The following HSPA12A variants were observed in gnomAD, a reference collection of about 807,000 sequenced individuals.
HSPA12A encodes the protein heat shock protein family A (Hsp70) member 12A.
A neutral mutation model predicts 69.2 loss-of-function variants in HSPA12A; 28 were observed. The ratio of observed to expected loss-of-function variants is 0.40; its 90% CI spans 0.30 to 0.55. The LOEUF (loss-of-function observed/expected upper bound fraction) is 0.55. HSPA12A is among the 20% of genes least tolerant of loss of function. The pLI is 0.38. For synonymous variants in HSPA12A, 345 were observed against 370.5 expected, an observed-to-expected ratio of 0.93 and a Z score of 0.79; for missense variants, 686 against 900.7, an observed-to-expected ratio of 0.76 and a Z score of 3.05.
chr10:116,725,706 C>T lies in HSPA12A; in HGVS notation c.40+16724G>A, dbSNP rs1001200446. Among the ~76,000 whole-genome samples, 7 of 152,164 alleles carry T rather than the reference C, an allele frequency of 4.6e-5. No individual in the cohort carries two copies. The South Asian group carries it at 1.5e-3, about 32-fold the overall frequency. ...ACACAAAACCCAGAACTACTCCCAG[C>T]GAGTCACAGGGTGAGAGGGATATCC... is the stretch of plus-strand genomic sequence containing the variant. On this transcript the variant is annotated intron_variant, in intron 1 of 11. Coordinates refer to ENST00000369209, the MANE Select transcript of HSPA12A (RefSeq NM_025015.3).
At chr10:116,777,560 C>A (rs1844366994) in intron 2 of HSPA12A, among the ~76,000 whole-genome samples, 1 of 152,184 alleles carries the variant, frequency 6.6e-6, no homozygotes, top group Non-Finnish European at 1.5e-5. Context: ...CCCAGGTGTA[C>A]ATATCCCCAC....
intron 2 of HSPA12A, 41 bp downstream of exon 2, chr10:116,707,151 GCGCACACA>G (rs782325219): frequency 0.041 from 41,327 of 1,005,534 alleles, 682 homozygotes; most frequent in Middle Eastern, 0.068. Context: ...GCACCCATGC[GCGCACACA>G]CACACACACA....
intron 2 of HSPA12A, chr10:116,830,999 G>A (rs1399002844): frequency 2.0e-5 from 3 of 151,572 alleles, no homozygotes; most frequent in Non-Finnish European, 2.9e-5. Context: ...TAGGTTTGTG[G>A]AAGTACATTC....
chr10:116,731,037 C>T (rs1004156), intron 1 of HSPA12A, among the ~76,000 whole-genome samples: 143,316 of 152,296 alleles, frequency 0.94, 67,641 homozygotes, highest in Non-Finnish European at 0.98. Flanking sequence ...CATGGTCTGT[C>T]CCAGGGTCCT....
At chr10:116,832,217 G>C (rs949256987) in intron 2 of HSPA12A, 1 of 152,172 alleles carries the variant, frequency 6.6e-6, no homozygotes, top group Non-Finnish European at 1.5e-5. Context: ...TGCCAGGCTG[G>C]AGTGCAGTGA....
intron 2 of HSPA12A, among the ~76,000 whole-genome samples, chr10:116,801,667 C>T (rs540350201): frequency 1.3e-5 from 2 of 152,202 alleles, no homozygotes; most frequent in Admixed American, 6.5e-5. Context: ...TATACTCAAA[C>T]CTAATACGTG....
intron 2 of HSPA12A, among the ~76,000 whole-genome samples, chr10:116,808,124 G>A (rs915268582): frequency 1.2e-4 from 19 of 152,284 alleles, no homozygotes; most frequent in African/African-American, 4.6e-4. Context: ...AGGTTTCAGG[G>A]TTATCTGAAA....
At position 116,703,775 on chromosome 10, in the gene HSPA12A, C is replaced by G. The variant is rs150120732; in HGVS notation, c.254+1376G>C. On this transcript the variant is annotated intron_variant, in intron 3 of 11. Coordinates refer to ENST00000369209, the MANE Select transcript of HSPA12A (RefSeq NM_025015.3). The stretch of plus-strand genomic sequence containing the variant: ...TCCCATGGATGGGTGGCACCCGGGG[C>G]CTGCAGGGTGCTGGGTGTGCGGGGA... 6.3e-3 allele frequency among the ~76,000 whole-genome samples: 963 copies of G among 152,262 alleles called. 4 individuals carry two copies. The highest frequency in any genetic ancestry group is 0.01 in the Non-Finnish European group (691 of 68,026).
chr10:116,842,054 G>A (rs975682307), intron 1 of HSPA12A, among the ~76,000 whole-genome samples: 9 of 152,162 alleles, frequency 5.9e-5, no homozygotes, highest in Non-Finnish European at 1.2e-4. Context: ...ATAAGGCAGA[G>A]GCAGTCTTTT....
intron 2 of HSPA12A, among the ~76,000 whole-genome samples, chr10:116,772,674 TTTTA>T (rs1450509889): frequency 2.0e-5 from 3 of 151,900 alleles, no homozygotes; most frequent in South Asian, 4.2e-4. Context: ...TCTATCTTTA[TTTTA>T]TTTATTTGTT....
chr10:116,801,914 G>A (rs1844965294), intron 2 of HSPA12A, among the ~76,000 whole-genome samples: 1 of 152,078 alleles, frequency 6.6e-6, no homozygotes, highest in Admixed American at 6.6e-5. Flanking sequence ...TTTGTGTCCA[G>A]AAAGTGTACA....
intron 2 of HSPA12A, among the ~76,000 whole-genome samples, chr10:116,807,568 T>C (rs765521394): frequency 2.0e-5 from 3 of 152,180 alleles, no homozygotes; most frequent in Non-Finnish European, 4.4e-5. Context: ...ATTTGATCTA[T>C]GTGAAGGCAA....
intron 2 of HSPA12A, among the ~76,000 whole-genome samples, chr10:116,810,735 T>C (rs939933638): frequency 2.0e-5 from 3 of 152,190 alleles, no homozygotes; most frequent in South Asian, 2.1e-4. Context: ...AATCTGGTTT[T>C]ACAAGTTTTC....
intron 2 of HSPA12A, among the ~76,000 whole-genome samples, chr10:116,815,379 A>G (rs916345536): frequency 2.0e-5 from 3 of 152,108 alleles, no homozygotes; most frequent in African/African-American, 7.2e-5. Context: ...CAGCCTGGCC[A>G]ACATGGCAAG....
intron 2 of HSPA12A, among the ~76,000 whole-genome samples, chr10:116,752,694 A>C (rs1202674984): frequency 1.3e-5 from 2 of 152,214 alleles, no homozygotes; most frequent in Non-Finnish European, 2.9e-5. Flanking sequence ...TTAGGGAGTT[A>C]GATTATACTT....
At chr10:116,778,215 A>G (rs1554891353) in intron 2 of HSPA12A, among the ~76,000 whole-genome samples, 2 of 152,134 alleles carry the variant, frequency 1.3e-5, no homozygotes, top group South Asian at 2.1e-4. Context: ...TCCAAGCAAT[A>G]TATTATTTAA....
intron 5 of HSPA12A, among the ~76,000 whole-genome samples, chr10:116,693,292 C>T (rs1396534904): frequency 6.6e-6 from 1 of 152,198 alleles, no homozygotes; most frequent in African/African-American, 2.4e-5. Flanking sequence ...TAAACGACAT[C>T]ACTGAGGCCC....
At chr10:116,813,014 A>G (rs1845223729) in intron 2 of HSPA12A, among the ~76,000 whole-genome samples, 1 of 152,082 alleles carries the variant, frequency 6.6e-6, no homozygotes, top group Admixed American at 6.6e-5. Flanking sequence ...AACTTTTGAA[A>G]AGCAGTTAGG....
rs944950748 is a variant in HSPA12A at position 116,710,623 on chromosome 10, G to A, written c.41-3338C>T. ...CACTCAGCCAGGCCTAGAGGCAGCC[G>A]AACTTCATGGACTTTTTCCATCAGA... On this transcript the variant is annotated intron_variant, in intron 1 of 11. Transcript: ENST00000369209. This position sits in a 1 kb window ranked among gnomAD's most constrained non-coding sequence, Gnocchi z 4.1. 6.4e-4 allele frequency among the ~76,000 whole-genome samples: 97 copies of A among 152,250 alleles called. No homozygotes were observed. Among genetic ancestry groups the A allele is most frequent in the African/African-American group, 2.2e-3 (90 of 41,548 alleles).
Sources: allele counts gnomAD v4.1 joint callset (sites outside exome capture counted in the v4.1 genomes callset), GRCh38; gene constraint gnomAD v4.1.1; non-coding constraint Gnocchi (gnomAD v3.1); transcripts MANE v1.5; gene names NCBI Gene and HGNC (gene_info 2026-07-23, HGNC 2026-07-21).